The following SNTB2 variants were observed in gnomAD, a reference collection of about 807,000 sequenced individuals.
SNTB2 encodes the protein syntrophin beta 2.
In SNTB2, 34 loss-of-function variants were observed where a neutral mutation model predicts 46.2. That is an observed-to-expected ratio of 0.74 (90% CI 0.56 to 0.98). SNTB2 has a LOEUF of 0.98. Among genes scored for constraint, SNTB2 ranks in the 50% least tolerant of loss-of-function variants. SNTB2 has a pLI of 0.00. For missense variants in SNTB2, 603 were observed against 731.4 expected, an observed-to-expected ratio of 0.82 and a Z score of 2.02; for synonymous variants, 290 against 312.6, an observed-to-expected ratio of 0.93 and a Z score of 0.76.
rs117378689 is a variant in SNTB2, at chr16:69,270,076, T to C, written c.1006-67T>C. On this transcript the variant is annotated intron_variant, in intron 3 of 6. Transcript: ENST00000336278. ...GGAGACCCATTGTGTTAGGCCATCA[T>C]TGAAGGAACTTTTACAAAGACGTGA... is the stretch of plus-strand genomic sequence containing the variant. 9.2e-3 allele frequency: 14,645 copies of C among 1,591,756 alleles called. 105 individuals are homozygous for C. The highest frequency in any genetic ancestry group is 0.014 in the Middle Eastern group (85 of 6,018).
intron 5 of SNTB2, among the ~76,000 whole-genome samples, chr16:69,284,663 G>A (rs1407948750): frequency 1.1e-4 from 16 of 151,984 alleles, no homozygotes; most frequent in Non-Finnish European, 1.3e-4. Flanking sequence ...AGTCCCAGCT[G>A]TTCGGGAGGC....
chr16:69,245,486 C>T (rs760370136), intron 1 of SNTB2, 116 bp from the exon 2 acceptor site: 22 of 1,026,310 alleles, frequency 2.1e-5, no homozygotes, highest in East Asian at 7.3e-5. Flanking sequence ...TGAGCCACCG[C>T]GCCCAGCTCT....
intron 4 of SNTB2, among the ~76,000 whole-genome samples, chr16:69,272,831 A>G (rs1964951083): frequency 6.9e-6 from 1 of 145,612 alleles, no homozygotes; most frequent in African/African-American, 2.6e-5. Flanking sequence ...TGGAGGTTGC[A>G]GTGAACTGAT....
intron 2 of SNTB2, among the ~76,000 whole-genome samples, chr16:69,255,129 GCT>G (rs1567408113): frequency 2.0e-5 from 3 of 151,604 alleles, no homozygotes; most frequent in African/African-American, 7.3e-5. Context: ...ACAGGATCTC[GCT>G]CTGTCACCCA....
chr16:69,300,719 T>A (rs1352355427), intron 6 of SNTB2, 113 bp from the exon 7 acceptor site: 4 of 732,278 alleles, frequency 5.5e-6, no homozygotes, highest in Non-Finnish European at 9.7e-6. Context: ...TCCTAAGAGT[T>A]TCCATAGCTC....
rs1032986410 is a variant in SNTB2 at position 69,232,502 on chromosome 16, C to CTTTTT, written c.581-13077_581-13073dup. Among the ~76,000 whole-genome samples the CTTTTT allele has an allele frequency of 4.7e-5, 3 of 63,884 alleles. 1 individual carries two copies. Among genetic ancestry groups the CTTTTT allele is most frequent in the African/African-American group, 2.2e-4 (3 of 13,676 alleles). The allele number at this position is 63,884 out of a possible 152,430, so 41.9% of individuals were successfully genotyped here. ...TTACAGGTGTGAGCCACGGTGCGGC[C>CTTTTT]TTTTTTTTTTTTTTTTTTTTTTTTT... On this transcript the variant is annotated intron_variant, in intron 1 of 6. Coordinates refer to ENST00000336278, the MANE Select transcript of SNTB2 (RefSeq NM_006750.4).
chr16:69,194,685 A>G (rs1428891347), intron 1 of SNTB2, among the ~76,000 whole-genome samples: 1 of 152,146 alleles, frequency 6.6e-6, no homozygotes, highest in South Asian at 2.1e-4. Context: ...GGGGTACCAG[A>G]TGTTCTATTT....
intron 1 of SNTB2, among the ~76,000 whole-genome samples, chr16:69,193,634 T>A (rs757352063): frequency 4.6e-5 from 7 of 152,182 alleles, no homozygotes; most frequent in African/African-American, 1.7e-4. Flanking sequence ...CAGCCCAGAC[T>A]TATTTATGGT....
rs1433871442 is a variant in SNTB2 at position 69,308,477 on chromosome 16, T to C, written c.*7553T>C. 1.3e-5 allele frequency: 2 copies of C among 152,230 alleles called. No individual in the cohort carries two copies. The highest frequency in any genetic ancestry group is 4.8e-5 in the African/African-American group (2 of 41,450). The allele number at this position is 152,230 out of a possible 1,614,324, so 9.4% of individuals were successfully genotyped here. On this transcript the variant is annotated 3_prime_UTR_variant, in exon 7 of 7. Transcript: ENST00000336278. ...TACGACTCCAGTATTATGTTTACAA[T>C]CCATTGGATGAGTGCAGCATTATAA...
chr16:69,239,141 A>G (rs1964586240), intron 1 of SNTB2, among the ~76,000 whole-genome samples: 1 of 152,008 alleles, frequency 6.6e-6, no homozygotes, highest in Non-Finnish European at 1.5e-5. Flanking sequence ...TCTCCCAGAT[A>G]TTTGCATGGC....
At chr16:69,262,268 G>A (rs1426314446) in intron 3 of SNTB2, among the ~76,000 whole-genome samples, 2 of 151,816 alleles carry the variant, frequency 1.3e-5, no homozygotes, top group Non-Finnish European at 2.9e-5. Context: ...CCTAAGTTTG[G>A]ATAGTGAGAG....
At chr16:69,204,400 A>G (rs773156749) in intron 1 of SNTB2, among the ~76,000 whole-genome samples, 4 of 152,182 alleles carry the variant, frequency 2.6e-5, no homozygotes, top group Non-Finnish European at 4.4e-5. Flanking sequence ...GTCTTATTCC[A>G]TATATGGAAT....
chr16:69,235,962 C>A, intron 1 of SNTB2: 4 of 819,940 alleles, frequency 4.9e-6, no homozygotes, highest in Non-Finnish European at 6.5e-6. Flanking sequence ...ATTACTTTCG[C>A]ATTAGGATTA....
chr16:69,200,580 T>G (rs569040995), intron 1 of SNTB2, among the ~76,000 whole-genome samples: 1 of 152,150 alleles, frequency 6.6e-6, no homozygotes, highest in South Asian at 2.1e-4. Flanking sequence ...TTCATGGGGG[T>G]TTTTTGTTAG....
At chr16:69,189,495 C>T (rs1435247407) in intron 1 of SNTB2, among the ~76,000 whole-genome samples, 1 of 152,158 alleles carries the variant, frequency 6.6e-6, no homozygotes, top group Non-Finnish European at 1.5e-5. Context: ...TGGCTCATGC[C>T]TATAATCCCA....
chr16:69,190,895 A>G (rs746157723), intron 1 of SNTB2, among the ~76,000 whole-genome samples: 7 of 152,130 alleles, frequency 4.6e-5, no homozygotes, highest in Admixed American at 2.6e-4. Context: ...TCATTTTGCA[A>G]TTCACGTGTT....
chr16:69,190,491 A>T (rs1381242020), intron 1 of SNTB2, among the ~76,000 whole-genome samples: 1 of 152,172 alleles, frequency 6.6e-6, no homozygotes, highest in Admixed American at 6.5e-5. Flanking sequence ...GGAAGTTTAG[A>T]GTTGAGATGT....
At chr16:69,204,369 C>A (rs1204704383) in intron 1 of SNTB2, among the ~76,000 whole-genome samples, 3 of 152,190 alleles carry the variant, frequency 2.0e-5, no homozygotes, top group Non-Finnish European at 4.4e-5. Flanking sequence ...GCACCAGAAT[C>A]TTTGGGTTGT....
intron 1 of SNTB2, among the ~76,000 whole-genome samples, chr16:69,216,500 T>A (rs1177948662): frequency 6.6e-6 from 1 of 150,988 alleles, no homozygotes; most frequent in Non-Finnish European, 1.5e-5. Context: ...CTGGGCAACG[T>A]GATGAAATCC....
Sources: gnomAD v4.1 joint callset for allele counts (sites outside exome capture counted in the v4.1 genomes callset) on GRCh38, gnomAD v4.1.1 for gene constraint, MANE v1.5 for transcripts, NCBI Gene and HGNC (gene_info 2026-07-23, HGNC 2026-07-21) for gene names.